Variants in CES5A observed in about 807,000 individuals in gnomAD.
The protein encoded by CES5A is carboxylesterase 5A, also known as carboxylesterase 5.
CES5A carries 67 observed loss-of-function variants against 62.9 expected under a neutral mutation model. The ratio of observed to expected loss-of-function variants is 1.07; its 90% CI spans 0.88 to 1.31. CES5A has a LOEUF of 1.31. Ranked by LOEUF, CES5A falls within the 50% of genes most tolerant of loss-of-function variation. The pLI is 0.00. For synonymous variants in CES5A, 296 were observed against 280.8 expected (o/e 1.05, Z -0.54); for missense variants, 748 against 708.5 (o/e 1.06, Z -0.63).
At chr16:55,876,351 C>A (rs1041666669), upstream of CES5A, among the ~76,000 whole-genome samples, 4 of 150,878 alleles carry the variant, frequency 2.7e-5, no homozygotes, top group African/African-American at 9.8e-5. Flanking sequence ...GAAGAGCAAG[C>A]CAATATATGT....
chr16:55,879,644 C>T (rs1316951961), upstream of CES5A, among the ~76,000 whole-genome samples: 1 of 152,166 alleles, frequency 6.6e-6, no homozygotes, highest in African/African-American at 2.4e-5. Flanking sequence ...CAGTGTCTCT[C>T]TGTCACCCAG....
chr16:55,920,530 G>C (rs920390537), intron 1 of CES5A, among the ~76,000 whole-genome samples: 2 of 152,162 alleles, frequency 1.3e-5, no homozygotes. Flanking sequence ...CATTCAGAAA[G>C]GGCACTGCTT....
intron 8 of CES5A, among the ~76,000 whole-genome samples, chr16:55,857,033 A>G (rs1471346364): frequency 4.6e-5 from 7 of 152,184 alleles, no homozygotes; most frequent in Non-Finnish European, 1.0e-4. Flanking sequence ...TTTGACACCA[A>G]GTTCAAAGAG....
upstream of CES5A, among the ~76,000 whole-genome samples, chr16:55,879,720 A>G (rs138598457): frequency 9.9e-5 from 15 of 152,246 alleles, no homozygotes; most frequent in East Asian, 2.9e-3. Context: ...TCTCCCAAGT[A>G]GCTAGGACTA....
chr16:55,867,489 T>C (rs1233750110), intron 4 of CES5A, among the ~76,000 whole-genome samples: 3 of 152,160 alleles, frequency 2.0e-5, no homozygotes, highest in African/African-American at 7.2e-5. Context: ...TTTCCAGTTC[T>C]CCAGACTGCT....
intron 1 of CES5A, among the ~76,000 whole-genome samples, chr16:55,916,763 A>G (rs2034152077): frequency 6.6e-6 from 1 of 152,168 alleles, no homozygotes; most frequent in Admixed American, 6.5e-5. Flanking sequence ...ATTTCTTTGG[A>G]CACACCTCCT....
At position 55,849,643 on chromosome 16, in the gene CES5A, C is replaced by A. The variant is rs774396012; in HGVS notation, c.1404G>T (p.Lys468Asn). 1.6e-5 allele frequency: 26 copies of A among 1,613,846 alleles called. No individual in the cohort carries two copies. In the South Asian group the frequency reaches 2.9e-4, roughly 18 times the overall value. Residue 468 changes from lysine to asparagine, a missense_variant, in exon 11 of 13, where the codon AAG (lysine) becomes AAT (asparagine). Physicochemically the swap from Lys to Asn is moderately conservative, Grantham distance 94. Transcript: ENST00000290567. Reference sequence around the variant, plus strand: ...CCTTACCGAACATAACAATGTCCCCCTTCAGGAAGGCACCACCGAACACAA... The same window carrying A: ...CCTTACCGAACATAACAATGTCCCCATTCAGGAAGGCACCACCGAACACAA... Reference protein sequence around the residue: ...VRFVFGGAFLKGDIVMFEGAT... With the variant: ...VRFVFGGAFLNGDIVMFEGAT...
intron 5 of CES5A, 102 bp downstream of exon 5, chr16:55,865,861 G>T: frequency 7.6e-7 from 1 of 1,313,666 alleles, no homozygotes; most frequent in South Asian, 1.2e-5. Context: ...GTATTAAAGG[G>T]TTTGTTCAAC....
At chr16:55,859,712 C>A in intron 7 of CES5A, 25 bp from the exon 8 acceptor site, 1 of 1,577,478 alleles carries the variant, frequency 6.3e-7, no homozygotes, top group South Asian at 1.2e-5. Flanking sequence ...AAAAAAAAAT[C>A]ATCAGCTATC....
chr16:55,905,038 A>G (rs753315361), intron 1 of CES5A, among the ~76,000 whole-genome samples: 3 of 152,220 alleles, frequency 2.0e-5, no homozygotes, highest in Non-Finnish European at 1.5e-5. Context: ...ACCACACCCA[A>G]GCTCTATCCA....
intron 2 of CES5A, among the ~76,000 whole-genome samples, chr16:55,939,108 A>T (rs1312913526): frequency 1.3e-5 from 2 of 151,786 alleles, no homozygotes; most frequent in Non-Finnish European, 2.9e-5. Context: ...TCTCAGGCAA[A>T]CTCTTCTCAA....
chr16:55,863,458 G>C lies in CES5A; in HGVS notation c.706-6C>G. The stretch of plus-strand genomic sequence containing the variant: ...TTGGCCATGGGAGACAGTATCTGGA[G>C]AGAGAACACAGAAGACCCAGGAAAG... On this transcript the variant is annotated splice_region_variant and splice_polypyrimidine_tract_variant and intron_variant, in intron 5 of 12. Coordinates refer to ENST00000290567, the MANE Select transcript of CES5A (RefSeq NM_001143685.2). The C allele has an allele frequency of 6.8e-7, 1 of 1,466,756 alleles. No homozygotes were observed. Among genetic ancestry groups the C allele is most frequent in the Non-Finnish European group, 9.5e-7 (1 of 1,047,536 alleles). 90.9% of individuals were successfully genotyped at this position (1,466,756 alleles called of 1,614,324 possible).
intron 1 of CES5A, among the ~76,000 whole-genome samples, chr16:55,900,525 A>C (rs2033980080): frequency 6.6e-6 from 1 of 152,210 alleles, no homozygotes. Context: ...AAGCTTGTGC[A>C]GGGACCTGAA....
chr16:55,952,296 CAAAT>C (rs1316148586), intron 1 of CES5A, among the ~76,000 whole-genome samples: 1 of 151,896 alleles, frequency 6.6e-6, no homozygotes, highest in Non-Finnish European at 1.5e-5. Context: ...TTTATAGTCT[CAAAT>C]AAAGTTCTTA....
chr16:55,872,764 C>T (rs1301424757), intron 2 of CES5A, among the ~76,000 whole-genome samples: 2 of 152,102 alleles, frequency 1.3e-5, no homozygotes, highest in Admixed American at 6.5e-5. Context: ...CCAGGTGGGT[C>T]TTTGTTTCCC....
Position 55,875,297 on chromosome 16 carries a change from G to A in CES5A, c.-76C>T. The A allele has an allele frequency of 6.3e-7, 1 of 1,575,128 alleles. No individual in the cohort carries two copies. Among genetic ancestry groups the A allele is most frequent in the Non-Finnish European group, 8.6e-7 (1 of 1,163,410 alleles). On this transcript the variant is annotated 5_prime_UTR_variant, in exon 1 of 13. Transcript: ENST00000290567. ...GAGAGCTTCAGTTGGGAGCCAGAAA[G>A]AGCTTCCTGTTAACAGGCAAATGCT...
At chr16:55,874,063 G>C (rs756629209) in intron 1 of CES5A, 26 bp from the exon 2 acceptor site, 7 of 1,568,132 alleles carry the variant, frequency 4.5e-6, no homozygotes, top group Non-Finnish European at 6.1e-6. Context: ...GGAGGAATCA[G>C]GAGCAGGCTG....
At chr16:55,918,929 T>G (rs2034173717) in intron 1 of CES5A, among the ~76,000 whole-genome samples, 1 of 152,172 alleles carries the variant, frequency 6.6e-6, no homozygotes. Context: ...AAATCCAGGG[T>G]GAGTATCTCT....
At chr16:55,851,184 C>T (rs2033124993) in intron 10 of CES5A, among the ~76,000 whole-genome samples, 1 of 152,112 alleles carries the variant, frequency 6.6e-6, no homozygotes, top group Non-Finnish European at 1.5e-5. Context: ...TGTACATTAT[C>T]AACAGAGTAA....
Sources: allele counts gnomAD v4.1 joint callset (sites outside exome capture counted in the v4.1 genomes callset), GRCh38; gene constraint gnomAD v4.1.1; transcripts MANE v1.5; gene names NCBI Gene and HGNC (gene_info 2026-07-23, HGNC 2026-07-21).